EHF: variants seen among roughly 807,000 people sequenced by gnomAD.
EHF encodes the protein ESE3 transcription factor.
In EHF, 14 loss-of-function variants were observed where a neutral mutation model predicts 45.1. The observed-to-expected ratio is 0.31, with a 90% CI of 0.21 to 0.49. The LOEUF is 0.49. EHF is among the 20% of genes least tolerant of loss of function. The probability of loss-of-function intolerance (pLI) is 0.99; values close to 1 mark genes in which losing one functional copy is unlikely to be tolerated. For synonymous variants in EHF, 136 were observed against 131.8 expected (o/e 1.03, Z -0.22); for missense variants, 282 against 371.4 (o/e 0.76, Z 1.98).
chr11:34,646,750 C>A lies in EHF; in HGVS notation c.343+66C>A. On this transcript the variant is annotated intron_variant, in intron 3 of 8. Coordinates refer to ENST00000257831, the MANE Select transcript of EHF (RefSeq NM_012153.6). ...GCCAGCTGGAAGAATAGAGATTCTG[C>A]AGATGACAGGATTCTTTGTCAGGGA... 1.9e-6 allele frequency: 3 copies of A among 1,579,062 alleles called. No individual in the cohort carries two copies. In the South Asian group the frequency reaches 3.3e-5, roughly 18 times the overall value.
intron 3 of EHF, 72 bp from the exon 4 acceptor site, chr11:34,648,947 C>A: frequency 2.1e-6 from 3 of 1,442,970 alleles, no homozygotes; most frequent in Non-Finnish European, 2.9e-6. Flanking sequence ...GATGCCAGTT[C>A]TGTCCTTATT....
chr11:34,638,742 C>T (rs1042850358), intron 1 of EHF, among the ~76,000 whole-genome samples: 1 of 152,250 alleles, frequency 6.6e-6, no homozygotes, highest in African/African-American at 2.4e-5. Context: ...TGCTTTTAAC[C>T]ACTACCTAGG....
chr11:34,625,297 T>C (rs1852274495), intron 1 of EHF, among the ~76,000 whole-genome samples: 1 of 152,172 alleles, frequency 6.6e-6, no homozygotes. Flanking sequence ...CTGGTGGGAA[T>C]GTAGAAGTGG....
chr11:34,657,649 G>A (rs1855791262), intron 7 of EHF, among the ~76,000 whole-genome samples: 2 of 151,828 alleles, frequency 1.3e-5, no homozygotes, highest in South Asian at 2.1e-4. Flanking sequence ...AATTAGCTGG[G>A]CATGGTGGCA....
chr11:34,649,509 A>G (rs1436568438), intron 4 of EHF, among the ~76,000 whole-genome samples: 1 of 152,110 alleles, frequency 6.6e-6, no homozygotes, highest in Non-Finnish European at 1.5e-5. Flanking sequence ...GGGTGAATAT[A>G]CTAACTTGGT....
At chr11:34,647,492 AGG>A (rs1311544912) in intron 3 of EHF, among the ~76,000 whole-genome samples, 163 of 152,358 alleles carry the variant, frequency 1.1e-3, no homozygotes, top group Non-Finnish European at 1.2e-3. Context: ...CACTGGCATA[AGG>A]TTCCCCTGAT....
At chr11:34,636,766 CT>C (rs1361724426) in intron 1 of EHF, among the ~76,000 whole-genome samples, 5 of 152,178 alleles carry the variant, frequency 3.3e-5, no homozygotes, top group African/African-American at 1.2e-4. Flanking sequence ...GGCCCGGTGG[CT>C]CACGCCTGTA....
At chr11:34,631,516 C>T in intron 1 of EHF, 3 of 957,692 alleles carry the variant, frequency 3.1e-6, no homozygotes, top group Non-Finnish European at 3.7e-6. Flanking sequence ...TGTGATGATG[C>T]TTGGATTAGG....
At position 34,657,078 on chromosome 11, in the gene EHF, T is replaced by C. The variant is rs1855744136; in HGVS notation, c.607+108T>C. ...ATCGCCTCTGTCTGCTGCCTTCATGTCTTCATCCCAAACAGGGTGGAGTGA... is the reference window on the plus strand; with the variant it reads ...ATCGCCTCTGTCTGCTGCCTTCATGCCTTCATCCCAAACAGGGTGGAGTGA... On this transcript the variant is annotated intron_variant, in intron 7 of 8. Coordinates refer to ENST00000257831, the MANE Select transcript of EHF (RefSeq NM_012153.6). 3.1e-6 allele frequency: 4 copies of C among 1,307,984 alleles called. No homozygotes were observed. The African/African-American group carries it at 4.4e-5, about 15-fold the overall frequency. The allele number at this position is 1,307,984 out of a possible 1,614,324, so 81.0% of individuals were successfully genotyped here.
intron 3 of EHF, among the ~76,000 whole-genome samples, chr11:34,648,405 G>C (rs939939150): frequency 1.3e-5 from 2 of 151,836 alleles, no homozygotes; most frequent in Admixed American, 6.6e-5. Flanking sequence ...TAATGGGAGA[G>C]GAGTTGCAAG....
chr11:34,624,662 A>G (rs549825131), intron 1 of EHF, among the ~76,000 whole-genome samples: 1 of 152,196 alleles, frequency 6.6e-6, no homozygotes, highest in Non-Finnish European at 1.5e-5. Context: ...TTCAAGCCAA[A>G]TGACATTGAT....
Position 34,646,584 on chromosome 11 carries a change from C to T in EHF, c.243C>T (p.Asn81=), listed in dbSNP as rs148413528. ...NCIPFQEFDI[N]GEHLCSMSLQ... is the part of the protein sequence containing the mutation. ...TCCCTTTCCAAGAGTTCGACATCAA[C>T]GGCGAGCACCTCTGCAGCATGAGTT... The change falls in exon 3 of 9, where the codon AAC becomes AAT. Residue 81 remains asparagine (N), a synonymous_variant. Transcript: ENST00000257831. 162 of 1,613,532 alleles carry T rather than the reference C, an allele frequency of 1.0e-4. No homozygotes were observed. In the East Asian group the frequency reaches 2.4e-3, roughly 24 times the overall value.
intron 1 of EHF, chr11:34,632,741 C>T: frequency 6.9e-7 from 1 of 1,453,410 alleles, no homozygotes; most frequent in South Asian, 1.2e-5. Flanking sequence ...GGAATGAGCT[C>T]AGATGACTTT....
In EHF at chr11:34,642,786, T is replaced by C. The variant is rs1337911058; in HGVS notation, c.97+59T>C. ...GTGCTGTGTGGGCTCTTTGCTTTAA[T>C]TCCTCTCACAACCTAATGTTTGAAA... On this transcript the variant is annotated intron_variant, in intron 2 of 8. Transcript: ENST00000257831. The C allele has an allele frequency of 1.1e-5, 14 of 1,244,958 alleles. No individual in the cohort carries two copies. In the East Asian group the frequency reaches 2.3e-4, roughly 21 times the overall value. 77.1% of individuals were successfully genotyped at this position (1,244,958 alleles called of 1,614,324 possible). A position where few individuals can be genotyped will look rare whatever the true frequency, so the allele number is the denominator to read the frequency against.
At chr11:34,642,913 T>C (rs1590479824) in intron 2 of EHF, among the ~76,000 whole-genome samples, 186 bp downstream of exon 2, 2 of 152,322 alleles carry the variant, frequency 1.3e-5, no homozygotes, top group South Asian at 2.1e-4. Flanking sequence ...AAAGCTCGTT[T>C]GAGATATTCT....
chr11:34,647,048 A>AC (rs1436280309), intron 3 of EHF, among the ~76,000 whole-genome samples: 14 of 151,326 alleles, frequency 9.3e-5, no homozygotes, highest in African/African-American at 3.2e-4. Flanking sequence ...TGGTTACAAA[A>AC]AAAAAAACAA....
chr11:34,646,742 A>G lies in EHF; in HGVS notation c.343+58A>G, dbSNP rs185351523. 30 of 1,587,278 alleles carry G rather than the reference A, an allele frequency of 1.9e-5. No homozygotes were observed. The East Asian group carries it at 6.2e-4, about 33-fold the overall frequency. On this transcript the variant is annotated intron_variant, in intron 3 of 8. Coordinates refer to ENST00000257831, the MANE Select transcript of EHF (RefSeq NM_012153.6). ...TGCTAGGAGCCAGCTGGAAGAATAG[A>G]GATTCTGCAGATGACAGGATTCTTT...
intron 1 of EHF, among the ~76,000 whole-genome samples, chr11:34,639,886 TG>T (rs1180411943): frequency 2.6e-5 from 4 of 152,112 alleles, no homozygotes; most frequent in Non-Finnish European, 4.4e-5. Flanking sequence ...AAGGCATCTC[TG>T]GGGGTTGGGA....
At chr11:34,658,762 C>T in intron 8 of EHF, 34 bp downstream of exon 8, 1 of 1,608,342 alleles carries the variant, frequency 6.2e-7, no homozygotes, top group Non-Finnish European at 8.5e-7. Context: ...AACAAAAAGG[C>T]TGTACGACCC....
Sources: allele counts gnomAD v4.1 joint callset (sites outside exome capture counted in the v4.1 genomes callset), GRCh38; gene constraint gnomAD v4.1.1; transcripts MANE v1.5; gene names NCBI Gene and HGNC (gene_info 2026-07-23, HGNC 2026-07-21).